Variants in TFCP2L1 observed in about 807,000 individuals in gnomAD.
TFCP2L1 encodes the protein transcription factor CP2-like protein 1.
TFCP2L1 carries 12 observed loss-of-function variants against 72.2 expected under a neutral mutation model. The ratio of observed to expected loss-of-function variants is 0.17; its 90% CI spans 0.11 to 0.27. TFCP2L1 has a LOEUF of 0.27. Ranked by LOEUF, TFCP2L1 falls within the 10% of genes least tolerant of loss-of-function variation. The pLI, the probability that TFCP2L1 is intolerant of heterozygous loss-of-function variation, is 1.00. For synonymous variants in TFCP2L1, 260 were observed against 251.0 expected (o/e 1.04, Z -0.34); for missense variants, 488 against 624.6 (o/e 0.78, Z 2.33).
intron 2 of TFCP2L1, among the ~76,000 whole-genome samples, chr2:121,268,874 T>C (rs1686986413): frequency 6.6e-6 from 1 of 151,036 alleles, no homozygotes; most frequent in African/African-American, 2.4e-5. Flanking sequence ...CACAGCTGCA[T>C]ATTATTCCAC....
intron 6 of TFCP2L1, among the ~76,000 whole-genome samples, chr2:121,243,280 TG>T (rs1434058667): frequency 1.3e-5 from 2 of 152,184 alleles, no homozygotes; most frequent in African/African-American, 4.8e-5. Flanking sequence ...CTACATGTGG[TG>T]GGCAGGTAAT....
intron 2 of TFCP2L1, among the ~76,000 whole-genome samples, chr2:121,253,787 T>C (rs912464565): frequency 3.1e-4 from 47 of 152,160 alleles, no homozygotes; most frequent in African/African-American, 1.1e-3. Flanking sequence ...TGCAGGAGCC[T>C]TCTCCATCAG....
intron 7 of TFCP2L1, chr2:121,240,264 G>A (rs1228982124): frequency 8.1e-6 from 8 of 985,216 alleles, no homozygotes; most frequent in East Asian, 2.3e-4. Context: ...CCTTGCCCTC[G>A]AAAACATTCT....
chr2:121,220,396 C>G lies in TFCP2L1; in HGVS notation c.*3945G>C, dbSNP rs975162300. The G allele has an allele frequency of 2.0e-5, 3 of 152,260 alleles. No individual in the cohort carries two copies. The highest frequency in any genetic ancestry group is 7.2e-5 in the African/African-American group (3 of 41,448). The allele number at this position is 152,260 out of a possible 1,614,324, so 9.4% of individuals were successfully genotyped here. ...GCAAACCTATTATTCCTCCATTCAACAGCCTCTGTCCCTTCATCCAGAAAG... is the reference window on the plus strand; with the variant it reads ...GCAAACCTATTATTCCTCCATTCAAGAGCCTCTGTCCCTTCATCCAGAAAG... On this transcript the variant is annotated 3_prime_UTR_variant, in exon 15 of 15. Transcript: ENST00000263707.
intron 13 of TFCP2L1, among the ~76,000 whole-genome samples, chr2:121,230,215 A>C (rs1686113182): frequency 6.6e-6 from 1 of 152,162 alleles, no homozygotes; most frequent in South Asian, 2.1e-4. Flanking sequence ...TTTGTTGCCC[A>C]GGCTGGAGTG....
At chr2:121,275,673 C>G (rs1046093739) in intron 2 of TFCP2L1, among the ~76,000 whole-genome samples, 1 of 149,728 alleles carries the variant, frequency 6.7e-6, no homozygotes, top group Non-Finnish European at 1.5e-5. Context: ...TGGGTTCAAG[C>G]AATTATCCTG....
chr2:121,272,296 T>C (rs1687062378), intron 2 of TFCP2L1, among the ~76,000 whole-genome samples: 1 of 152,162 alleles, frequency 6.6e-6, no homozygotes, highest in Admixed American at 6.5e-5. Context: ...TTCCAAATTT[T>C]CAAGTGCTAA....
intron 1 of TFCP2L1, 80 bp from the exon 2 acceptor site, chr2:121,281,351 G>A (rs572384973): frequency 4.0e-5 from 59 of 1,483,218 alleles, no homozygotes; most frequent in East Asian, 4.7e-5. Context: ...CTAGAGAGAC[G>A]ACGCAGACCA....
chr2:121,234,221 T>A (rs760446949), intron 11 of TFCP2L1, 27 bp from the exon 12 acceptor site: 31 of 1,597,348 alleles, frequency 1.9e-5, no homozygotes, highest in Non-Finnish European at 2.7e-5. Context: ...AAATAAATAA[T>A]AGGTGTGGTG....
At chr2:121,283,352 C>T (rs1687302488) in intron 1 of TFCP2L1, among the ~76,000 whole-genome samples, 2 of 152,190 alleles carry the variant, frequency 1.3e-5, no homozygotes, top group Admixed American at 1.3e-4. Context: ...CCAGACCCTC[C>T]CTCTAGAGTC....
chr2:121,258,247 CTGG>C (rs915492996), intron 2 of TFCP2L1, among the ~76,000 whole-genome samples: 3 of 152,186 alleles, frequency 2.0e-5, no homozygotes, highest in African/African-American at 7.2e-5. Flanking sequence ...CTCACACATG[CTGG>C]AGCTGGGAGA....
At position 121,227,064 on chromosome 2, in the gene TFCP2L1, T is replaced by C. The variant is rs370029734; in HGVS notation, c.1342-1451A>G. Among the ~76,000 whole-genome samples the C allele has an allele frequency of 3.5e-4, 54 of 152,324 alleles. 3 individuals carry two copies. In the South Asian group the frequency reaches 0.011, roughly 30 times the overall value. ...TGCCAATGAGCGCCAGCTGTATACT[T>C]CAACATGCATGACCTTCCAAACAAA... On this transcript the variant is annotated intron_variant, in intron 13 of 14. Coordinates refer to ENST00000263707, the MANE Select transcript of TFCP2L1 (RefSeq NM_014553.3).
At chr2:121,235,164 ACCACATGC>A in intron 11 of TFCP2L1, 49 bp downstream of exon 11, 1 of 1,591,446 alleles carries the variant, frequency 6.3e-7, no homozygotes, top group Non-Finnish European at 8.6e-7. Flanking sequence ...GGGGTTTCCC[ACCACATGC>A]CACGGGACAT....
intron 2 of TFCP2L1, among the ~76,000 whole-genome samples, chr2:121,250,308 C>G (rs1054097787): frequency 1.5e-4 from 23 of 150,970 alleles, no homozygotes; most frequent in Admixed American, 7.3e-4. Flanking sequence ...TAAAATATAC[C>G]ATGAATAAAT....
intron 2 of TFCP2L1, among the ~76,000 whole-genome samples, chr2:121,271,200 T>TA (rs70954542): frequency 0.027 from 3,571 of 129,894 alleles, 49 homozygotes; most frequent in Non-Finnish European, 0.043. Context: ...AAAATAAAAA[T>TA]AAAAAAAAAA....
chr2:121,284,660 C>A (rs1266214638), intron 1 of TFCP2L1, among the ~76,000 whole-genome samples: 1 of 152,210 alleles, frequency 6.6e-6, no homozygotes, highest in Admixed American at 6.5e-5. Context: ...TTCCCCGGGC[C>A]GGGCACCAGG....
chr2:121,236,673 G>A (rs1686255227), intron 10 of TFCP2L1, among the ~76,000 whole-genome samples: 1 of 151,964 alleles, frequency 6.6e-6, no homozygotes, highest in Non-Finnish European at 1.5e-5. Context: ...CCCCCATCCT[G>A]TCCGTGTCCC....
At chr2:121,234,319 G>C in intron 11 of TFCP2L1, 125 bp from the exon 12 acceptor site, 1 of 869,704 alleles carries the variant, frequency 1.1e-6, no homozygotes, top group Admixed American at 2.1e-5. Context: ...GTGGTGACGT[G>C]GAGTGCCTGT....
chr2:121,256,103 G>A (rs924383674), intron 2 of TFCP2L1, among the ~76,000 whole-genome samples: 6 of 151,988 alleles, frequency 3.9e-5, no homozygotes, highest in South Asian at 4.2e-4. Context: ...AAACCCTCCC[G>A]CTTCTCCTAA....
Sources: allele counts gnomAD v4.1 joint callset (sites outside exome capture counted in the v4.1 genomes callset), GRCh38; gene constraint gnomAD v4.1.1; transcripts MANE v1.5; gene names NCBI Gene and HGNC (gene_info 2026-07-23, HGNC 2026-07-21).